Variants in CFAP44 observed in about 807,000 individuals in gnomAD.
CFAP44 encodes cilia- and flagella-associated protein 44.
A neutral mutation model predicts 216.2 loss-of-function variants in CFAP44; 134 were observed. The observed-to-expected ratio is 0.62, with a 90% CI of 0.54 to 0.72. The LOEUF (loss-of-function observed/expected upper bound fraction) is 0.72. Among genes scored for constraint, CFAP44 ranks in the 30% least tolerant of loss-of-function variants. The pLI is 0.00. For synonymous variants in CFAP44, 700 were observed against 727.6 expected (o/e 0.96, Z 0.61); for missense variants, 2,035 against 2,182.1 (o/e 0.93, Z 1.34).
chr3:113,342,837 T>C (rs1472680261), intron 23 of CFAP44, among the ~76,000 whole-genome samples: 1 of 141,038 alleles, frequency 7.1e-6, no homozygotes, highest in African/African-American at 2.6e-5. Flanking sequence ...TAAAAATACA[T>C]AAAAAAAAAA....
At chr3:113,305,005 C>A (rs954800702) in intron 31 of CFAP44, 31 bp downstream of exon 31, 19 of 1,526,558 alleles carry the variant, frequency 1.2e-5, no homozygotes, top group Non-Finnish European at 1.6e-5. Flanking sequence ...TCTTCTCGGA[C>A]AGGATGGAGC....
chr3:113,427,118 C>T (rs1270807446), intron 3 of CFAP44, 69 bp downstream of exon 3: 11 of 1,497,004 alleles, frequency 7.3e-6, no homozygotes, highest in Non-Finnish European at 1.0e-5. Context: ...GGATTTATAA[C>T]TCTTCCATTT....
intron 22 of CFAP44, among the ~76,000 whole-genome samples, chr3:113,345,249 T>A (rs2107822704): frequency 6.6e-6 from 1 of 151,730 alleles, no homozygotes; most frequent in East Asian, 1.9e-4. Context: ...TGTTAATATC[T>A]GTGTGTGAGT....
intron 6 of CFAP44, among the ~76,000 whole-genome samples, chr3:113,411,693 C>T (rs1182397725): frequency 6.6e-6 from 1 of 152,114 alleles, no homozygotes; most frequent in Middle Eastern, 3.2e-3. Flanking sequence ...TCATTGGTAG[C>T]TTGATGGGGA....
At chr3:113,419,261 T>C (rs1049226985) in intron 5 of CFAP44, among the ~76,000 whole-genome samples, 2 of 152,158 alleles carry the variant, frequency 1.3e-5, no homozygotes. Context: ...TGCACACAGT[T>C]ATTGCCACAT....
At chr3:113,441,093 A>T (rs1935350113) in intron 1 of CFAP44, among the ~76,000 whole-genome samples, 1 of 152,198 alleles carries the variant, frequency 6.6e-6, no homozygotes, top group Non-Finnish European at 1.5e-5. Context: ...CCAGCGTGCC[A>T]AGCGTCGCAC....
intron 13 of CFAP44, chr3:113,397,416 A>G (rs1934019675): frequency 6.6e-6 from 1 of 152,380 alleles, no homozygotes. Context: ...CCATGTCACA[A>G]TAAGAAAAGC....
chr3:113,344,536 T>A lies in CFAP44; in HGVS notation c.3242A>T (p.Lys1081Met). Residue 1081 changes from lysine to methionine, a missense_variant, in exon 23 of 35, where the codon AAG becomes ATG. By Grantham distance (95) the Lys-to-Met change is moderately conservative. Around this residue, in one of 3 missense-constraint regions of CFAP44, gnomAD observed 1,883 missense variants for 2,023.7 expected, o/e 0.93. Transcript: ENST00000393845. ...GCTACCTGCATCTCTCTGGCTGTCCTTTCTTCCAGGTCCCTCTTTTTCAAA... is the reference window on the plus strand; with the variant it reads ...GCTACCTGCATCTCTCTGGCTGTCCATTCTTCCAGGTCCCTCTTTTTCAAA... The part of the protein sequence containing the change: ...DRFEKEGPGR[K>M]DSQRDAGGSV... The A allele has an allele frequency of 1.3e-6, 2 of 1,536,926 alleles. No individual in the cohort carries two copies. Among genetic ancestry groups the A allele is most frequent in the Non-Finnish European group, 1.7e-6 (2 of 1,146,786 alleles).
At chr3:113,339,585 G>A (rs1950311914) in intron 24 of CFAP44, among the ~76,000 whole-genome samples, 1 of 152,224 alleles carries the variant, frequency 6.6e-6, no homozygotes, top group African/African-American at 2.4e-5. Context: ...TCCATGGGGT[G>A]AGAGGTTTAC....
At chr3:113,293,264 A>C (rs1183238917) in intron 34 of CFAP44, among the ~76,000 whole-genome samples, 1 of 152,152 alleles carries the variant, frequency 6.6e-6, no homozygotes, top group Non-Finnish European at 1.5e-5. Context: ...GATATTTGAC[A>C]CATTTTTGTT....
chr3:113,303,646 C>T (rs1015495295), intron 32 of CFAP44, among the ~76,000 whole-genome samples: 8 of 152,120 alleles, frequency 5.3e-5, no homozygotes, highest in Non-Finnish European at 1.2e-4. Context: ...TAGTCTTGCA[C>T]TTGGGTTATT....
chr3:113,343,749 T>C lies in CFAP44; in HGVS notation c.3262+767A>G, dbSNP rs11923457. ...CACTACTGGAAACGTAGAACAGGGA[T>C]AGATTGTGGAAGGATTAAGTATCAG... On this transcript the variant is annotated intron_variant, in intron 23 of 34. Coordinates refer to ENST00000393845, the MANE Select transcript of CFAP44 (RefSeq NM_001164496.2). Among the ~76,000 whole-genome samples the C allele has an allele frequency of 1.9e-3, 293 of 152,228 alleles. 2 individuals carry two copies. Among genetic ancestry groups the C allele is most frequent in the African/African-American group, 5.6e-3 (233 of 41,536 alleles).
At chr3:113,346,093 G>A (rs1473105405) in intron 22 of CFAP44, among the ~76,000 whole-genome samples, 1 of 152,178 alleles carries the variant, frequency 6.6e-6, no homozygotes, top group East Asian at 1.9e-4. Flanking sequence ...CTAGAGGATT[G>A]TAAACACACC....
At chr3:113,316,826 G>C (rs1275682681) in intron 28 of CFAP44, among the ~76,000 whole-genome samples, 1 of 149,444 alleles carries the variant, frequency 6.7e-6, no homozygotes, top group African/African-American at 2.5e-5. Context: ...CCAAGATCAC[G>C]CCACTGCACT....
chr3:113,360,006 C>G (rs887601348), intron 21 of CFAP44, among the ~76,000 whole-genome samples: 4 of 151,644 alleles, frequency 2.6e-5, no homozygotes, highest in Admixed American at 2.0e-4. Context: ...TGCATCTACC[C>G]ATTGTATTTT....
At chr3:113,431,850 T>C (rs1474920222) in intron 2 of CFAP44, among the ~76,000 whole-genome samples, 2 of 152,180 alleles carry the variant, frequency 1.3e-5, no homozygotes, top group South Asian at 2.1e-4. Flanking sequence ...GAACCTTAAA[T>C]AGTCAAGATT....
At chr3:113,311,929 G>T (rs746430527) in intron 28 of CFAP44, among the ~76,000 whole-genome samples, 2 of 152,112 alleles carry the variant, frequency 1.3e-5, no homozygotes, top group Non-Finnish European at 2.9e-5. Context: ...TTTTGCCCCT[G>T]CCCTAGAGAT....
At chr3:113,373,247 T>C (rs1933230807) in intron 18 of CFAP44, among the ~76,000 whole-genome samples, 164 bp downstream of exon 18, 1 of 152,234 alleles carries the variant, frequency 6.6e-6, no homozygotes, top group African/African-American at 2.4e-5. Context: ...ATAATTTCAG[T>C]ATTAGCTTTG....
intron 28 of CFAP44, among the ~76,000 whole-genome samples, chr3:113,310,507 G>A (rs1950027622): frequency 6.6e-6 from 1 of 152,200 alleles, no homozygotes; most frequent in Non-Finnish European, 1.5e-5. Flanking sequence ...TAGTGTTTGA[G>A]AAATTTGAGT....
Sources: gnomAD v4.1 joint callset for allele counts (sites outside exome capture counted in the v4.1 genomes callset) on GRCh38, gnomAD v4.1.1 for gene constraint, gnomAD v4.1.1 regional missense constraint, MANE v1.5 for transcripts, NCBI Gene and HGNC (gene_info 2026-07-23, HGNC 2026-07-21) for gene names.